HCRTR2: variants seen among roughly 807,000 people sequenced by gnomAD.
HCRTR2 encodes orexin receptor type 2.
HCRTR2 carries 22 observed loss-of-function variants against 49.0 expected under a neutral mutation model. The ratio of observed to expected loss-of-function variants is 0.45; its 90% CI spans 0.32 to 0.64. HCRTR2 has a LOEUF of 0.64. Among genes scored for constraint, HCRTR2 ranks in the 30% least tolerant of loss-of-function variants. The pLI is 0.04. For synonymous variants in HCRTR2, 236 were observed against 205.3 expected, an observed-to-expected ratio of 1.15 and a Z score of -1.28; for missense variants, 491 against 559.4, an observed-to-expected ratio of 0.88 and a Z score of 1.23.
intron 1 of HCRTR2, among the ~76,000 whole-genome samples, chr6:55,242,099 A>G (rs776550294): frequency 6.6e-6 from 1 of 151,708 alleles, no homozygotes; most frequent in Non-Finnish European, 1.5e-5. Flanking sequence ...CGAACTCCTG[A>G]TCTCAGGGGA....
At chr6:55,110,412 T>C (rs1581777168) in intron 1 of HCRTR2, among the ~76,000 whole-genome samples, 1 of 152,048 alleles carries the variant, frequency 6.6e-6, no homozygotes, top group East Asian at 1.9e-4. Context: ...CTAAAGGCTC[T>C]ACTTAAAAGA....
intron 1 of HCRTR2, among the ~76,000 whole-genome samples, chr6:55,167,664 C>T (rs1764896949): frequency 6.6e-6 from 1 of 152,098 alleles, no homozygotes; most frequent in Non-Finnish European, 1.5e-5. Context: ...ACATATTTTG[C>T]TCCTACTCTT....
At chr6:55,248,872 G>A (rs765949087) in intron 2 of HCRTR2, 55 bp downstream of exon 2, 136 of 1,428,218 alleles carry the variant, frequency 9.5e-5, no homozygotes, top group Non-Finnish European at 1.2e-4. Flanking sequence ...CAGCCATAGC[G>A]ATGGCCCTTA....
intron 1 of HCRTR2, among the ~76,000 whole-genome samples, chr6:55,213,680 G>A (rs2127292966): frequency 6.6e-6 from 1 of 152,168 alleles, no homozygotes. Flanking sequence ...CTACTTTCTT[G>A]GAAAAGAAAG....
chr6:55,174,279 G>A (rs560693374), upstream of HCRTR2: 2 of 421,534 alleles, frequency 4.7e-6, no homozygotes, highest in South Asian at 2.1e-5. Flanking sequence ...AGGAGTAATT[G>A]AGCTTCAGCT....
At chr6:55,282,200 TC>T (rs763706131) in intron 6 of HCRTR2, 24 bp from the exon 7 acceptor site, 67 of 1,535,426 alleles carry the variant, frequency 4.4e-5, no homozygotes, top group Non-Finnish European at 2.3e-5. Context: ...TAATTCCTTT[TC>T]CTTTCATTCT....
intron 1 of HCRTR2, among the ~76,000 whole-genome samples, chr6:55,245,540 G>A (rs1488059613): frequency 1.5e-5 from 2 of 135,638 alleles, no homozygotes; most frequent in South Asian, 2.4e-4. Flanking sequence ...TTTTAAAAAA[G>A]CTTACAAGAT....
chr6:55,123,368 C>T (rs943962036), intron 1 of HCRTR2, among the ~76,000 whole-genome samples: 1 of 152,012 alleles, frequency 6.6e-6, no homozygotes, highest in Non-Finnish European at 1.5e-5. Context: ...GCCTTTTCTG[C>T]ATCTTTTGAG....
intron 1 of HCRTR2, among the ~76,000 whole-genome samples, chr6:55,209,268 G>GA (rs1212074783): frequency 6.6e-6 from 1 of 152,102 alleles, no homozygotes; most frequent in East Asian, 1.9e-4. Flanking sequence ...AAGTGTCATG[G>GA]AAAAAGGTTT....
intron 1 of HCRTR2, among the ~76,000 whole-genome samples, chr6:55,201,943 G>A (rs1198236279): frequency 6.6e-6 from 1 of 152,048 alleles, no homozygotes; most frequent in African/African-American, 2.4e-5. Context: ...TCTTGACCAT[G>A]GATCTGAATA....
chr6:55,188,902 A>G (rs1765269936), intron 1 of HCRTR2, among the ~76,000 whole-genome samples: 1 of 152,208 alleles, frequency 6.6e-6, no homozygotes, highest in African/African-American at 2.4e-5. Context: ...TGTGAATACG[A>G]TTTTGAAAAG....
chr6:55,210,050 C>T (rs1765670118), intron 1 of HCRTR2, among the ~76,000 whole-genome samples: 1 of 152,076 alleles, frequency 6.6e-6, no homozygotes, highest in South Asian at 2.1e-4. Flanking sequence ...AAAACTACCT[C>T]ATTCAAAGGG....
chr6:55,184,758 T>G (rs1321916422), intron 1 of HCRTR2, among the ~76,000 whole-genome samples: 1 of 152,210 alleles, frequency 6.6e-6, no homozygotes, highest in Non-Finnish European at 1.5e-5. Context: ...TGATTAAAAA[T>G]TATAATATCC....
intron 4 of HCRTR2, 172 bp downstream of exon 4, chr6:55,263,994 C>A (rs1766818003): frequency 3.3e-6 from 2 of 607,246 alleles, no homozygotes; most frequent in Non-Finnish European, 5.9e-6. Flanking sequence ...ATTGTGTGTT[C>A]TTTTAAAGTA....
chr6:55,129,160 G>A (rs1023968074), intron 1 of HCRTR2, among the ~76,000 whole-genome samples: 4 of 151,936 alleles, frequency 2.6e-5, no homozygotes, highest in African/African-American at 4.8e-5. Flanking sequence ...ACTCTCCTAC[G>A]TTTGATTACT....
chr6:55,213,673 C>T (rs1437614987), intron 1 of HCRTR2, among the ~76,000 whole-genome samples: 1 of 152,114 alleles, frequency 6.6e-6, no homozygotes, highest in Non-Finnish European at 1.5e-5. Context: ...CTCCTGACTA[C>T]TTTCTTGGAA....
At chr6:55,280,288 TA>T in intron 5 of HCRTR2, 34 bp from the exon 6 acceptor site, 1 of 1,376,518 alleles carries the variant, frequency 7.3e-7, no homozygotes, top group South Asian at 1.2e-5. Context: ...TTTAATTATT[TA>T]AAAGACACTT....
chr6:55,209,684 T>C (rs1222320061), intron 1 of HCRTR2, among the ~76,000 whole-genome samples: 2 of 152,214 alleles, frequency 1.3e-5, no homozygotes, highest in Non-Finnish European at 2.9e-5. Context: ...TGAAGTTCCT[T>C]ACTCTCTTCT....
intron 4 of HCRTR2, among the ~76,000 whole-genome samples, chr6:55,273,350 G>A (rs1442677899): frequency 6.6e-6 from 1 of 152,050 alleles, no homozygotes; most frequent in Non-Finnish European, 1.5e-5. Context: ...AAGGGGAAAG[G>A]AGACTTGTCC....
Sources: gnomAD v4.1 joint callset for allele counts (sites outside exome capture counted in the v4.1 genomes callset) on GRCh38, gnomAD v4.1.1 for gene constraint, MANE v1.5 for transcripts, NCBI Gene and HGNC (gene_info 2026-07-23, HGNC 2026-07-21) for gene names.